CDH20: variants seen among roughly 807,000 people sequenced by gnomAD.
CDH20 encodes the protein cadherin 20.
In CDH20, 29 loss-of-function variants were observed where a neutral mutation model predicts 74.2. That is an observed-to-expected ratio of 0.39 (90% CI 0.29 to 0.53). The LOEUF (loss-of-function observed/expected upper bound fraction) is 0.53. Ranked by LOEUF, CDH20 falls within the 20% of genes least tolerant of loss-of-function variation. The probability of loss-of-function intolerance (pLI) is 0.69; values close to 1 mark genes in which losing one functional copy is unlikely to be tolerated. For synonymous variants in CDH20, 469 were observed against 405.4 expected, an observed-to-expected ratio of 1.16 and a Z score of -1.88; for missense variants, 988 against 1,048.3, an observed-to-expected ratio of 0.94 and a Z score of 0.79.
intron 1 of CDH20, among the ~76,000 whole-genome samples, chr18:61,371,459 G>A (rs1055510794): frequency 1.3e-5 from 2 of 151,736 alleles, no homozygotes; most frequent in African/African-American, 2.4e-5. Flanking sequence ...TAAAGAGGCC[G>A]GACTCCAGAA....
chr18:61,388,299 G>A (rs140725604), intron 1 of CDH20, among the ~76,000 whole-genome samples: 12 of 152,162 alleles, frequency 7.9e-5, no homozygotes, highest in African/African-American at 2.9e-4. Context: ...ACTAGGGGAA[G>A]GACAGTTAAT....
At chr18:61,508,740 A>G (rs1176251882) in intron 6 of CDH20, among the ~76,000 whole-genome samples, 1 of 152,000 alleles carries the variant, frequency 6.6e-6, no homozygotes, top group African/African-American at 2.4e-5. Flanking sequence ...AGGTTCAAGC[A>G]ATTCTCCTGC....
intron 1 of CDH20, among the ~76,000 whole-genome samples, chr18:61,432,254 A>AAAC (rs1913281985): frequency 6.6e-6 from 1 of 150,708 alleles, no homozygotes; most frequent in African/African-American, 2.5e-5. Flanking sequence ...CAAAAAAAAA[A>AAAC]AAAAAAAAAA....
At chr18:61,379,547 G>T (rs552373363) in intron 1 of CDH20, among the ~76,000 whole-genome samples, 9 of 152,240 alleles carry the variant, frequency 5.9e-5, no homozygotes, top group African/African-American at 2.2e-4. Context: ...ATTCTTTAGG[G>T]CCACATAGAC....
intron 1 of CDH20, among the ~76,000 whole-genome samples, chr18:61,376,628 T>C (rs567962877): frequency 1.3e-5 from 2 of 151,964 alleles, no homozygotes; most frequent in Non-Finnish European, 2.9e-5. Context: ...AAAATAAAAA[T>C]AAACATATTA....
chr18:61,505,796 T>C (rs1911540788), intron 5 of CDH20, among the ~76,000 whole-genome samples: 1 of 152,238 alleles, frequency 6.6e-6, no homozygotes, highest in Non-Finnish European at 1.5e-5. Flanking sequence ...TGTGTCTCTA[T>C]GCATTCTACA....
intron 6 of CDH20, among the ~76,000 whole-genome samples, chr18:61,509,368 G>C (rs1354212677): frequency 6.6e-6 from 1 of 152,166 alleles, no homozygotes; most frequent in East Asian, 1.9e-4. Flanking sequence ...ATGACTCTTT[G>C]TGAAAAGCAT....
At chr18:61,345,473 G>T (rs1298129629) in intron 1 of CDH20, among the ~76,000 whole-genome samples, 1 of 152,076 alleles carries the variant, frequency 6.6e-6, no homozygotes, top group Non-Finnish European at 1.5e-5. Flanking sequence ...TAGACTGAAG[G>T]TTCACAACCC....
intron 1 of CDH20, among the ~76,000 whole-genome samples, chr18:61,443,440 T>G (rs1472680482): frequency 6.6e-6 from 1 of 152,170 alleles, no homozygotes; most frequent in East Asian, 1.9e-4. Context: ...ATATTTATAT[T>G]TTCAAGTGTT....
At chr18:61,497,102 AG>A (rs367620739) in intron 2 of CDH20, among the ~76,000 whole-genome samples, 133,198 of 137,196 alleles carry the variant, frequency 0.97, 64,675 homozygotes, top group South Asian at 0.99. Flanking sequence ...AAAAAAAAAA[AG>A]AAAGAAAGAA....
chr18:61,530,036 G>A (rs1344216237), intron 7 of CDH20, among the ~76,000 whole-genome samples: 2 of 152,204 alleles, frequency 1.3e-5, no homozygotes, highest in African/African-American at 4.8e-5. Context: ...ATGAAAATTG[G>A]TGAGAACAAG....
rs1048804743 is a variant in CDH20 at position 61,528,496 on chromosome 18, A to G, written c.1271+276A>G. Among the ~76,000 whole-genome samples the G allele has an allele frequency of 4.9e-5, 6 of 122,358 alleles. No individual in the cohort carries two copies. In the South Asian group the frequency reaches 1.3e-3, roughly 27 times the overall value. 80.3% of individuals were successfully genotyped at this position (122,358 alleles called of 152,430 possible). ...ACACACACACACCCCTTAGTTCTCA[A>G]TCATGGTCCTGTTGACATTTGGGGG... On this transcript the variant is annotated intron_variant, in intron 7 of 11. Coordinates refer to ENST00000262717, the MANE Select transcript of CDH20 (RefSeq NM_031891.4).
intron 1 of CDH20, among the ~76,000 whole-genome samples, chr18:61,359,897 A>G (rs1173826123): frequency 6.6e-6 from 1 of 152,198 alleles, no homozygotes; most frequent in Non-Finnish European, 1.5e-5. Flanking sequence ...ATCTATGTGC[A>G]CCAAGTGACA....
chr18:61,334,830 C>A (rs72989931), intron 1 of CDH20, among the ~76,000 whole-genome samples: 10,420 of 152,140 alleles, frequency 0.068, 484 homozygotes, highest in Middle Eastern at 0.14. Context: ...TATGTTGTTG[C>A]TATTATTATT....
intron 7 of CDH20, among the ~76,000 whole-genome samples, chr18:61,529,465 G>A (rs760981638): frequency 1.2e-4 from 19 of 152,034 alleles, no homozygotes; most frequent in Non-Finnish European, 2.1e-4. Flanking sequence ...TGGCAAAAAC[G>A]ATTTTATTTG....
At chr18:61,432,534 A>T (rs1913292358) in intron 1 of CDH20, among the ~76,000 whole-genome samples, 2 of 152,240 alleles carry the variant, frequency 1.3e-5, no homozygotes, top group African/African-American at 4.8e-5. Flanking sequence ...TATCCAGTTC[A>T]GTACTGCAAT....
At chr18:61,538,964 C>CTTT in intron 8 of CDH20, 60 bp from the exon 9 acceptor site, 4 of 1,540,532 alleles carry the variant, frequency 2.6e-6, no homozygotes, top group Admixed American at 1.8e-5. Flanking sequence ...AACCATTACT[C>CTTT]TTTTTTTTCT....
chr18:61,554,583 C>G lies in CDH20; in HGVS notation c.2294C>G (p.Ser765Trp). Residue 765 changes from serine (S) to tryptophan (W), a missense_variant, in exon 12 of 12, where the codon TCG (serine) becomes TGG (tryptophan). This residue lies in a region of CDH20 where 375 missense variants were observed against 293.1 expected (regional missense o/e 1.28). Coordinates refer to ENST00000262717, the MANE Select transcript of CDH20 (RefSeq NM_031891.4). ...SVAGSLSSLQSATSDSEQSFD... is the reference protein window; with the variant it reads ...SVAGSLSSLQWATSDSEQSFD... The stretch of plus-strand genomic sequence containing the variant: ...GCGGGGTCGCTGAGCTCCCTGCAGT[C>G]GGCCACGTCGGACTCGGAACAGAGC... The G allele has an allele frequency of 1.9e-6, 3 of 1,608,958 alleles. No homozygotes were observed. The highest frequency in any genetic ancestry group is 2.5e-6 in the Non-Finnish European group (3 of 1,178,188).
chr18:61,342,058 G>A (rs1307483000), intron 1 of CDH20, among the ~76,000 whole-genome samples: 14 of 152,092 alleles, frequency 9.2e-5, no homozygotes, highest in Admixed American at 7.2e-4. Context: ...CAGCACAGAG[G>A]ATATTATTTG....
Sources: allele counts gnomAD v4.1 joint callset (sites outside exome capture counted in the v4.1 genomes callset), GRCh38; gene constraint gnomAD v4.1.1; regional missense constraint gnomAD v4.1.1; transcripts MANE v1.5; gene names NCBI Gene and HGNC (gene_info 2026-07-23, HGNC 2026-07-21).